The following CHRNA5 variants were observed in gnomAD, a reference collection of about 807,000 sequenced individuals.
The protein encoded by CHRNA5 is neuronal acetylcholine receptor subunit alpha-5.
In CHRNA5, 28 loss-of-function variants were observed where a neutral mutation model predicts 41.2. The ratio of observed to expected loss-of-function variants is 0.68; its 90% confidence interval spans 0.50 to 0.93. The LOEUF is 0.93. Among genes scored for constraint, CHRNA5 ranks in the 40% least tolerant of loss-of-function variants. CHRNA5 has a pLI of 0.00. For synonymous variants in CHRNA5, 188 were observed against 205.8 expected, an observed-to-expected ratio of 0.91 and a Z score of 0.74; for missense variants, 481 against 581.9, an observed-to-expected ratio of 0.83 and a Z score of 1.78.
chr15:78,581,894 AT>A (rs2052916082), intron 2 of CHRNA5, among the ~76,000 whole-genome samples: 1 of 152,170 alleles, frequency 6.6e-6, no homozygotes, highest in African/African-American at 2.4e-5. Context: ...TCCAAATATA[AT>A]TTTTAATAGT....
chr15:78,586,593 T>C (rs1034987451), intron 2 of CHRNA5, 52 bp from the exon 3 acceptor site: 22 of 1,052,942 alleles, frequency 2.1e-5, no homozygotes, highest in South Asian at 2.9e-5. Context: ...ATTTAAAGAA[T>C]TATTGTTTCT....
chr15:78,590,849 C>T (rs2053006719), intron 5 of CHRNA5: 1 of 539,980 alleles, frequency 1.9e-6, no homozygotes, highest in African/African-American at 1.9e-5. Flanking sequence ...ACAAATCTCA[C>T]TTCTCCACTT....
intron 1 of CHRNA5, among the ~76,000 whole-genome samples, chr15:78,573,963 ATTTTTT>A (rs979485573): frequency 0.044 from 4,516 of 102,020 alleles, 177 homozygotes; most frequent in African/African-American, 0.14. Context: ...CGCCTGGCTA[ATTTTTT>A]TTTTTTTTTT....
At chr15:78,580,941 A>G (rs1596060435) in exon 2 of CHRNA5, 1 of 1,613,786 alleles carries the variant, frequency 6.2e-7, no homozygotes, top group Non-Finnish European at 8.5e-7. Flanking sequence ...TTGGACTTGC[A>G]ATATCTCAAT....
At chr15:78,574,012 A>G (rs1405198281) in intron 1 of CHRNA5, among the ~76,000 whole-genome samples, 9 of 123,482 alleles carry the variant, frequency 7.3e-5, no homozygotes, top group African/African-American at 2.8e-4. Flanking sequence ...ACAGGGTTTC[A>G]CCATGTTGGC....
At position 78,588,364 on chromosome 15, in the gene CHRNA5, A is replaced by T. The variant is rs778473235; in HGVS notation, c.354A>T (p.Ile118=). The T allele has an allele frequency of 1.9e-6, 3 of 1,594,036 alleles. No homozygotes were observed. The East Asian group carries it at 6.8e-5, about 36-fold the overall frequency. Reference sequence around the variant, plus strand: ...GGAACCCTGATGACTATGGTGGAATAAAAGTTATACGTGTTCCTTCAGACT... The same window carrying T: ...GGAACCCTGATGACTATGGTGGAATTAAAGTTATACGTGTTCCTTCAGACT... Residue 118 remains isoleucine, a synonymous_variant, in exon 4 of 6, where the codon ATA becomes ATT. Coordinates refer to ENST00000299565, the Ensembl canonical transcript of CHRNA5. The surrounding 1 kb of genome is among the most constrained non-coding windows in gnomAD (Gnocchi z 4.1).
intron 3 of CHRNA5, among the ~76,000 whole-genome samples, chr15:78,586,968 C>T (rs889929337): frequency 9.9e-5 from 15 of 152,078 alleles, no homozygotes; most frequent in East Asian, 1.9e-4. Context: ...AGTATTAGTC[C>T]GTTCTCACAC....
chr15:78,594,262 G>T (rs1250613125), exon 6 of CHRNA5: 1 of 152,084 alleles, frequency 6.6e-6, no homozygotes, highest in African/African-American at 2.4e-5. Flanking sequence ...ATTAATTTCA[G>T]TCCTCTTGTC....
intron 1 of CHRNA5, among the ~76,000 whole-genome samples, chr15:78,567,261 AAAAAAAG>A (rs1190977761): frequency 3.4e-5 from 5 of 146,398 alleles, no homozygotes; most frequent in Non-Finnish European, 4.6e-5. Flanking sequence ...TCAAAAAAAA[AAAAAAAG>A]AAAAGAAAAG....
chr15:78,566,646 T>C (rs767834894), intron 1 of CHRNA5, among the ~76,000 whole-genome samples: 43 of 152,238 alleles, frequency 2.8e-4, no homozygotes, highest in African/African-American at 1.0e-3. Context: ...TTTCAGGTTT[T>C]ATGAGTGAGT....
exon 6 of CHRNA5, chr15:78,593,266 G>C: frequency 6.3e-7 from 1 of 1,598,506 alleles, no homozygotes; most frequent in Non-Finnish European, 8.5e-7. Flanking sequence ...CCTCCCAAGG[G>C]ACTGAAGTAT....
intron 1 of CHRNA5, among the ~76,000 whole-genome samples, chr15:78,567,315 C>T (rs1382115497): frequency 6.6e-6 from 1 of 151,612 alleles, no homozygotes; most frequent in Non-Finnish European, 1.5e-5. Flanking sequence ...TCTCAGAGTT[C>T]TTTTGAGGAT....
intron 2 of CHRNA5, 53 bp from the exon 3 acceptor site, chr15:78,586,592 A>G (rs2052963567): frequency 1.9e-6 from 2 of 1,053,584 alleles, no homozygotes; most frequent in Non-Finnish European, 2.9e-6. Context: ...TATTTAAAGA[A>G]TTATTGTTTC....
chr15:78,572,131 ATTATC>A (rs1351933917), intron 1 of CHRNA5, among the ~76,000 whole-genome samples: 4 of 152,180 alleles, frequency 2.6e-5, no homozygotes, highest in Non-Finnish European at 5.9e-5. Flanking sequence ...TTTTAGATAT[ATTATC>A]TTATTTCCTT....
chr15:78,574,357 C>A (rs1266418553), intron 1 of CHRNA5, among the ~76,000 whole-genome samples: 2 of 143,712 alleles, frequency 1.4e-5, no homozygotes, highest in African/African-American at 5.2e-5. Context: ...TCCAGCCTGG[C>A]CAACAGGAGC....
At chr15:78,582,028 C>T (rs1293200132) in intron 2 of CHRNA5, among the ~76,000 whole-genome samples, 1 of 152,106 alleles carries the variant, frequency 6.6e-6, no homozygotes, top group African/African-American at 2.4e-5. Context: ...GTCTCCTTTC[C>T]TTAAGAAAGG....
intron 1 of CHRNA5, among the ~76,000 whole-genome samples, chr15:78,574,656 T>G (rs1234045862): frequency 6.6e-6 from 1 of 152,130 alleles, no homozygotes; most frequent in Non-Finnish European, 1.5e-5. Context: ...ATTGACATAT[T>G]GCTAACAGAT....
chr15:78,585,926 A>G (rs141104958), intron 2 of CHRNA5, among the ~76,000 whole-genome samples: 189 of 150,640 alleles, frequency 1.3e-3, no homozygotes, highest in African/African-American at 4.4e-3. Flanking sequence ...CTGGGATTAC[A>G]TGCATGTGCC....
chr15:78,584,417 G>C (rs963425908), intron 2 of CHRNA5, among the ~76,000 whole-genome samples: 3 of 152,118 alleles, frequency 2.0e-5, no homozygotes, highest in African/African-American at 4.8e-5. Context: ...TTTCCTCCTG[G>C]GGATCATCGT....
Sources: allele counts gnomAD v4.1 joint callset (sites outside exome capture counted in the v4.1 genomes callset), GRCh38; gene constraint gnomAD v4.1.1; non-coding constraint Gnocchi (gnomAD v3.1); transcripts MANE v1.5; gene names NCBI Gene and HGNC (gene_info 2026-07-23, HGNC 2026-07-21).